The following VWC2 variants were observed in gnomAD, a reference collection of about 807,000 sequenced individuals.
VWC2 encodes brorin.
Under a neutral mutation model 29.8 loss-of-function variants are expected in VWC2, and 14 were observed. The ratio of observed to expected loss-of-function variants is 0.47; its 90% CI spans 0.31 to 0.74. The LOEUF (loss-of-function observed/expected upper bound fraction) is 0.74. Ranked by LOEUF, VWC2 falls within the 30% of genes least tolerant of loss-of-function variation. The pLI, the probability that VWC2 is intolerant of heterozygous loss-of-function variation, is 0.05. For synonymous variants in VWC2, 213 were observed against 199.0 expected, an observed-to-expected ratio of 1.07 and a Z score of -0.59; for missense variants, 457 against 459.8, an observed-to-expected ratio of 0.99 and a Z score of 0.05.
intron 3 of VWC2, among the ~76,000 whole-genome samples, chr7:49,823,208 A>G (rs925468049): frequency 2.0e-5 from 3 of 152,196 alleles, no homozygotes; most frequent in African/African-American, 2.4e-5. Flanking sequence ...TCACACAAGG[A>G]CGCTTGGACA....
At chr7:49,908,967 CT>C (rs1321510750) in intron 3 of VWC2, among the ~76,000 whole-genome samples, 1 of 152,204 alleles carries the variant, frequency 6.6e-6, no homozygotes, top group African/African-American at 2.4e-5. Flanking sequence ...TTACAAGTGA[CT>C]GTTGCCCTGA....
intron 3 of VWC2, among the ~76,000 whole-genome samples, chr7:49,875,394 A>AAAAAAAAAAAAAG (rs1255608165): frequency 6.7e-6 from 1 of 150,320 alleles, no homozygotes; most frequent in Non-Finnish European, 1.5e-5. Context: ...AAAAAAAAAA[A>AAAAAAAAAAAAAG]AAACAGGAAT....
chr7:49,842,146 G>A (rs1268126940), intron 3 of VWC2, among the ~76,000 whole-genome samples: 3 of 152,160 alleles, frequency 2.0e-5, no homozygotes, highest in Non-Finnish European at 1.5e-5. Flanking sequence ...GGGATTAGAT[G>A]TGTGAGCCAC....
At chr7:49,848,579 C>T (rs1419135510) in intron 3 of VWC2, among the ~76,000 whole-genome samples, 1 of 152,236 alleles carries the variant, frequency 6.6e-6, no homozygotes, top group Non-Finnish European at 1.5e-5. Flanking sequence ...CCCAGCTCCT[C>T]TCTAGCTGCT....
chr7:49,775,365 C>G lies in VWC2; in HGVS notation c.-71C>G. On this transcript the variant is annotated 5_prime_UTR_variant, in exon 2 of 4. Coordinates refer to ENST00000340652, the MANE Select transcript of VWC2 (RefSeq NM_198570.5). ...GGCTCCCGGCTGGCGGCGGCGCGCC[C>G]CCGGGCTGTGAATGCGACTCGCCCC... The G allele has an allele frequency of 8.0e-7, 1 of 1,256,582 alleles. No homozygotes were observed. The highest frequency in any genetic ancestry group is 1.0e-6 in the Non-Finnish European group (1 of 984,180). The allele number at this position is 1,256,582 out of a possible 1,614,324, so 77.8% of individuals were successfully genotyped here.
Position 49,775,781 on chromosome 7 carries a change from G to A in VWC2, c.346G>A (p.Asp116Asn). 6.6e-7 allele frequency: 1 copy of A among 1,522,968 alleles called. No homozygotes were observed. The highest frequency in any genetic ancestry group is 8.8e-7 in the Non-Finnish European group (1 of 1,136,376). The allele number at this position is 1,522,968 out of a possible 1,614,324, so 94.3% of individuals were successfully genotyped here. The part of the protein sequence containing the change: ...AGDLQVRPRG[D>N]TPQAEALAAA... ...GGATCTGCAGGTCCGGCCCCGCGGG[G>A]ACACCCCGCAGGCGGAAGCCCTGGC... The change falls in exon 2 of 4, where the codon GAC becomes AAC. Residue 116 changes from aspartate (D) to asparagine (N), a missense_variant. Asp to Asn is a conservative substitution (Grantham distance 23). This residue lies in a region of VWC2 where 272 missense variants were observed against 202.7 expected (regional missense o/e 1.34). Transcript: ENST00000340652.
chr7:49,848,217 C>T (rs1186390852), intron 3 of VWC2, among the ~76,000 whole-genome samples: 2 of 152,178 alleles, frequency 1.3e-5, no homozygotes, highest in East Asian at 1.9e-4. Context: ...ACTTATGCTG[C>T]AAGTGTCTTT....
rs477954 is a variant in VWC2, at chr7:49,862,940, C to A, written c.827-49094C>A. 4.1e-3 allele frequency among the ~76,000 whole-genome samples: 627 copies of A among 152,220 alleles called. 2 individuals are homozygous for A. Among genetic ancestry groups the A allele is most frequent in the African/African-American group, 0.014 (595 of 41,520 alleles). ...TTTACCTATACTTTTCTTGTGATGTCTCAATCTGGCTTTGGTATCAAGGTA... is the reference window on the plus strand; with the variant it reads ...TTTACCTATACTTTTCTTGTGATGTATCAATCTGGCTTTGGTATCAAGGTA... On this transcript the variant is annotated intron_variant, in intron 3 of 3. Coordinates refer to ENST00000340652, the MANE Select transcript of VWC2 (RefSeq NM_198570.5).
chr7:49,853,711 T>C (rs1562732778), intron 3 of VWC2, among the ~76,000 whole-genome samples: 2 of 152,130 alleles, frequency 1.3e-5, no homozygotes, highest in Non-Finnish European at 2.9e-5. Flanking sequence ...TAAAAACATT[T>C]AATTTTTTAT....
At chr7:49,787,478 C>T (rs1393677360) in intron 2 of VWC2, among the ~76,000 whole-genome samples, 1 of 152,184 alleles carries the variant, frequency 6.6e-6, no homozygotes, top group Non-Finnish European at 1.5e-5. Context: ...ACCTCCCCAC[C>T]TGGTGACACT....
chr7:49,821,132 A>G (rs1285241299), intron 3 of VWC2, among the ~76,000 whole-genome samples: 1 of 152,258 alleles, frequency 6.6e-6, no homozygotes, highest in Non-Finnish European at 1.5e-5. Flanking sequence ...AGCAATGAGG[A>G]AGGAAGCAGG....
At chr7:49,837,041 G>A (rs1789681483) in intron 3 of VWC2, among the ~76,000 whole-genome samples, 1 of 152,202 alleles carries the variant, frequency 6.6e-6, no homozygotes, top group Admixed American at 6.5e-5. Context: ...TATTTGATTT[G>A]TGTGACATTA....
At chr7:49,907,283 G>A (rs1793154580) in intron 3 of VWC2, among the ~76,000 whole-genome samples, 1 of 152,156 alleles carries the variant, frequency 6.6e-6, no homozygotes, top group South Asian at 2.1e-4. Context: ...GGAATGAAGT[G>A]GAGAGGATAA....
intron 3 of VWC2, among the ~76,000 whole-genome samples, chr7:49,810,618 T>C (rs1193423790): frequency 1.3e-5 from 2 of 152,174 alleles, no homozygotes; most frequent in East Asian, 3.8e-4. Flanking sequence ...TATCCCACTT[T>C]GTAACCTATT....
intron 3 of VWC2, among the ~76,000 whole-genome samples, chr7:49,829,359 G>A (rs548927067): frequency 6.6e-6 from 1 of 152,072 alleles, no homozygotes; most frequent in Admixed American, 6.6e-5. Context: ...AGAGTTTTGG[G>A]TTTCTAGGGA....
chr7:49,850,954 C>A (rs954439416), intron 3 of VWC2, among the ~76,000 whole-genome samples: 3 of 152,214 alleles, frequency 2.0e-5, no homozygotes, highest in Admixed American at 2.0e-4. Context: ...GCTGCCACAG[C>A]AAATCCCACA....
chr7:49,906,970 G>T (rs1208088801), intron 3 of VWC2, among the ~76,000 whole-genome samples: 1 of 152,148 alleles, frequency 6.6e-6, no homozygotes, highest in Non-Finnish European at 1.5e-5. Flanking sequence ...TTTCCTAAAT[G>T]CAGGGGGACC....
At chr7:49,819,257 A>G (rs529337298) in intron 3 of VWC2, among the ~76,000 whole-genome samples, 1 of 152,324 alleles carries the variant, frequency 6.6e-6, no homozygotes, top group South Asian at 2.1e-4. Flanking sequence ...GGAACTCTAC[A>G]GGAGTTCAAG....
At position 49,794,941 on chromosome 7, in the gene VWC2, T is replaced by C. The variant is rs1240711729; in HGVS notation, c.697-7770T>C. ...ATCACTGCCTTTAAAACTCTCAATA[T>C]GCACGTAGCTCAGTTAGCGCTCAAC... On this transcript the variant is annotated intron_variant, in intron 2 of 3. Coordinates refer to ENST00000340652, the MANE Select transcript of VWC2 (RefSeq NM_198570.5). Among the ~76,000 whole-genome samples, 6 of 152,252 alleles carry C rather than the reference T, an allele frequency of 3.9e-5. 1 individual carries two copies. Among genetic ancestry groups the C allele is most frequent in the Non-Finnish European group, 7.3e-5 (5 of 68,036 alleles).
Sources: gnomAD v4.1 joint callset for allele counts (sites outside exome capture counted in the v4.1 genomes callset) on GRCh38, gnomAD v4.1.1 for gene constraint, gnomAD v4.1.1 regional missense constraint, MANE v1.5 for transcripts, NCBI Gene and HGNC (gene_info 2026-07-23, HGNC 2026-07-21) for gene names.